NEK7: variants seen among roughly 807,000 people sequenced by gnomAD.
The protein encoded by NEK7 is NIMA related kinase 7.
Under a neutral mutation model 44.6 loss-of-function variants are expected in NEK7, and 18 were observed. The observed-to-expected ratio is 0.40, with a 90% CI of 0.28 to 0.60. NEK7 has a LOEUF of 0.60. Among genes scored for constraint, NEK7 ranks in the 20% least tolerant of loss-of-function variants. The pLI is 0.38. For missense variants in NEK7, 256 were observed against 366.5 expected (o/e 0.70, Z 2.46); for synonymous variants, 130 against 121.1 (o/e 1.07, Z -0.48).
chr1:198,256,887 C>T (rs566043189), intron 3 of NEK7, among the ~76,000 whole-genome samples: 7 of 152,120 alleles, frequency 4.6e-5, no homozygotes, highest in African/African-American at 1.7e-4. Context: ...TATATGCAAT[C>T]TCTATTTTAT....
intron 1 of NEK7, among the ~76,000 whole-genome samples, chr1:198,195,800 T>C (rs1340700878): frequency 6.6e-6 from 1 of 152,120 alleles, no homozygotes; most frequent in Admixed American, 6.5e-5. Flanking sequence ...ACTCCAGCCT[T>C]GGTGAGTGGG....
chr1:198,256,239 G>GC, intron 3 of NEK7: 1 of 1,384,898 alleles, frequency 7.2e-7, no homozygotes, highest in Non-Finnish European at 9.5e-7. Flanking sequence ...AGTTTTTAAG[G>GC]CCCTTCCCTA....
rs188257918 is a variant in NEK7 at position 198,299,798 on chromosome 1, C to A, written c.798+2558C>A. Among the ~76,000 whole-genome samples, 264 of 152,222 alleles carry A rather than the reference C, an allele frequency of 1.7e-3. 1 individual carries two copies. Among genetic ancestry groups the A allele is most frequent in the Middle Eastern group, 6.8e-3 (2 of 294 alleles). On this transcript the variant is annotated intron_variant, in intron 9 of 9. Coordinates refer to ENST00000367385, the MANE Select transcript of NEK7 (RefSeq NM_133494.3). ...GATAGGAATCCTCAGGAACCCTACACAATTTATTTCTAGATATAGTCATTC... is the reference window on the plus strand; with the variant it reads ...GATAGGAATCCTCAGGAACCCTACAAAATTTATTTCTAGATATAGTCATTC...
intron 1 of NEK7, among the ~76,000 whole-genome samples, chr1:198,206,708 T>A (rs1022587365): frequency 6.6e-6 from 1 of 152,150 alleles, no homozygotes; most frequent in African/African-American, 2.4e-5. Context: ...TGTGAACTTT[T>A]TCTCATTTCA....
intron 3 of NEK7, among the ~76,000 whole-genome samples, chr1:198,260,142 G>C (rs1189222253): frequency 6.6e-6 from 1 of 152,126 alleles, no homozygotes; most frequent in Non-Finnish European, 1.5e-5. Flanking sequence ...CTCAGGATCA[G>C]GTTATTCATA....
intron 3 of NEK7, among the ~76,000 whole-genome samples, chr1:198,257,590 A>G (rs1048217850): frequency 3.3e-5 from 5 of 152,174 alleles, no homozygotes; most frequent in African/African-American, 9.7e-5. Context: ...TTTAATCTCT[A>G]TAGACTTCCT....
chr1:198,223,786 CTT>C (rs1262452006), intron 1 of NEK7, among the ~76,000 whole-genome samples: 6 of 151,886 alleles, frequency 4.0e-5, no homozygotes, highest in Non-Finnish European at 7.4e-5. Context: ...TATTTAAAGA[CTT>C]TTTGGATGAG....
chr1:198,228,475 C>T lies in NEK7; in HGVS notation c.-28-4078C>T, dbSNP rs986322667. Among the ~76,000 whole-genome samples, 266 of 152,164 alleles carry T rather than the reference C, an allele frequency of 1.7e-3. 1 individual carries two copies. Among genetic ancestry groups the T allele is most frequent in the African/African-American group, 5.7e-3 (236 of 41,504 alleles). ...ACCTTGGGCAGTATGGCCATTTTCA[C>T]GATATTGATTCTTCCTACCCATGAG... On this transcript the variant is annotated intron_variant, in intron 1 of 9. Coordinates refer to ENST00000367385, the MANE Select transcript of NEK7 (RefSeq NM_133494.3).
At chr1:198,221,984 CA>C (rs1301082067) in intron 1 of NEK7, among the ~76,000 whole-genome samples, 1 of 151,106 alleles carries the variant, frequency 6.6e-6, no homozygotes, top group Non-Finnish European at 1.5e-5. Context: ...GTAATATATA[CA>C]GTATATTGTA....
chr1:198,300,901 T>C (rs1466264330), intron 9 of NEK7, among the ~76,000 whole-genome samples: 1 of 152,230 alleles, frequency 6.6e-6, no homozygotes, highest in Non-Finnish European at 1.5e-5. Context: ...TATTACTTTC[T>C]ATTTTACATA....
chr1:198,272,159 T>C (rs1653873181), intron 5 of NEK7, among the ~76,000 whole-genome samples: 1 of 151,644 alleles, frequency 6.6e-6, no homozygotes, highest in Non-Finnish European at 1.5e-5. Context: ...TTTTAGGAAA[T>C]TGAACACTTT....
intron 7 of NEK7, among the ~76,000 whole-genome samples, chr1:198,282,916 C>G (rs145443986): frequency 6.6e-6 from 1 of 151,950 alleles, no homozygotes; most frequent in Non-Finnish European, 1.5e-5. Flanking sequence ...ATAAAGCAAA[C>G]AAAAAACTAG....
chr1:198,299,700 G>A (rs1654826487), intron 9 of NEK7, among the ~76,000 whole-genome samples: 1 of 152,134 alleles, frequency 6.6e-6, no homozygotes, highest in East Asian at 1.9e-4. Flanking sequence ...AATTTTTAAG[G>A]TTACTGCCCA....
intron 5 of NEK7, among the ~76,000 whole-genome samples, chr1:198,274,499 A>G (rs991062387): frequency 1.3e-5 from 2 of 151,790 alleles, no homozygotes; most frequent in African/African-American, 4.8e-5. Context: ...AAAGATTAAC[A>G]TGTCAAACTT....
chr1:198,303,777 T>C (rs1654952278), intron 9 of NEK7, among the ~76,000 whole-genome samples: 1 of 152,128 alleles, frequency 6.6e-6, no homozygotes, highest in Non-Finnish European at 1.5e-5. Flanking sequence ...CTGAAGGTAA[T>C]TCTGTACAAA....
At chr1:198,165,599 T>C (rs971015345) in intron 1 of NEK7, among the ~76,000 whole-genome samples, 1 of 152,200 alleles carries the variant, frequency 6.6e-6, no homozygotes, top group Non-Finnish European at 1.5e-5. Context: ...CAAAAAACCA[T>C]GCTGTAAACT....
At chr1:198,256,870 G>C (rs897605199) in intron 3 of NEK7, among the ~76,000 whole-genome samples, 1 of 152,122 alleles carries the variant, frequency 6.6e-6, no homozygotes, top group Non-Finnish European at 1.5e-5. Context: ...AACTTATTTT[G>C]ATCTGGTATA....
At chr1:198,264,699 A>G (rs1198095356) in intron 5 of NEK7, among the ~76,000 whole-genome samples, 6 of 152,018 alleles carry the variant, frequency 3.9e-5, no homozygotes, top group Non-Finnish European at 5.9e-5. Flanking sequence ...TTCTTTTCTA[A>G]GGGCATATTA....
intron 1 of NEK7, among the ~76,000 whole-genome samples, chr1:198,175,592 A>G (rs1664582146): frequency 6.6e-6 from 1 of 152,224 alleles, no homozygotes. Context: ...TTCTAGTATT[A>G]CAGCTGAATG....
Sources: gnomAD v4.1 joint callset for allele counts (sites outside exome capture counted in the v4.1 genomes callset) on GRCh38, gnomAD v4.1.1 for gene constraint, MANE v1.5 for transcripts, NCBI Gene and HGNC (gene_info 2026-07-23, HGNC 2026-07-21) for gene names.